CLIC5: variants seen among roughly 807,000 people sequenced by gnomAD.
The protein encoded by CLIC5 is chloride intracellular channel protein 5.
In CLIC5, 20 loss-of-function variants were observed where a neutral mutation model predicts 24.7. The observed-to-expected ratio is 0.81, with a 90% CI of 0.57 to 1.18. CLIC5 has a LOEUF of 1.18. Ranked by LOEUF, CLIC5 falls within the 50% of genes most tolerant of loss-of-function variation. The pLI, the probability that CLIC5 is intolerant of heterozygous loss-of-function variation, is 0.00. For missense variants in CLIC5, 341 were observed against 326.1 expected (o/e 1.05, Z -0.35); for synonymous variants, 159 against 135.6 (o/e 1.17, Z -1.20).
intron 1 of CLIC5, among the ~76,000 whole-genome samples, chr6:46,077,388 A>T (rs1762800464): frequency 6.6e-6 from 1 of 152,018 alleles, no homozygotes; most frequent in Non-Finnish European, 1.5e-5. Context: ...GAACATCCAG[A>T]ACTGAAAAGC....
At chr6:46,030,804 G>A (rs1767477674) in intron 1 of CLIC5, among the ~76,000 whole-genome samples, 1 of 152,080 alleles carries the variant, frequency 6.6e-6, no homozygotes, top group Non-Finnish European at 1.5e-5. Context: ...TGCTCCCACA[G>A]CACCCTGTGC....
intron 2 of CLIC5, among the ~76,000 whole-genome samples, chr6:45,954,577 T>C (rs1345109751): frequency 1.3e-5 from 2 of 152,210 alleles, no homozygotes; most frequent in Non-Finnish European, 2.9e-5. Context: ...GGAAACAGAA[T>C]ACATTCTGTA....
intron 1 of CLIC5, among the ~76,000 whole-genome samples, chr6:46,055,406 T>C (rs891628118): frequency 6.6e-6 from 1 of 151,684 alleles, no homozygotes; most frequent in Non-Finnish European, 1.5e-5. Flanking sequence ...CCCGGCTAAT[T>C]TTTGTACTTT....
chr6:45,970,656 G>A (rs981794804), intron 1 of CLIC5, among the ~76,000 whole-genome samples: 1 of 152,264 alleles, frequency 6.6e-6, no homozygotes, highest in East Asian at 1.9e-4. Flanking sequence ...ATTTTTCCAA[G>A]CCCTACCATA....
intron 1 of CLIC5, among the ~76,000 whole-genome samples, chr6:45,974,285 C>T (rs573269293): frequency 2.0e-5 from 3 of 151,704 alleles, no homozygotes; most frequent in Admixed American, 6.6e-5. Flanking sequence ...GCCTATCAGT[C>T]AGAGTGACAG....
chr6:46,121,475 A>T, the CLIC5 span, among the ~76,000 whole-genome samples: 1 of 152,240 alleles, frequency 6.6e-6, no homozygotes, highest in Non-Finnish European at 1.5e-5. Context: ...CACTACAAAA[A>T]CATGCCAAAT....
downstream of CLIC5, among the ~76,000 whole-genome samples, chr6:45,895,908 T>A (rs1234915865): frequency 6.6e-6 from 1 of 152,252 alleles, no homozygotes; most frequent in East Asian, 1.9e-4. Context: ...AAGGCCTATA[T>A]GGATTTGGAA....
At position 45,902,996 on chromosome 6, in the gene CLIC5, T is replaced by C; in HGVS notation, c.*92A>G. 4.2e-6 allele frequency: 6 copies of C among 1,412,730 alleles called. No individual in the cohort carries two copies. The Admixed American group carries it at 7.4e-5, about 17-fold the overall frequency. The allele number at this position is 1,412,730 out of a possible 1,614,324, so 87.5% of individuals were successfully genotyped here. A position where few individuals can be genotyped will look rare whatever the true frequency, so the allele number is the denominator to read the frequency against. On this transcript the variant is annotated 3_prime_UTR_variant, in exon 6 of 6. Transcript: ENST00000339561. Reference sequence around the variant, plus strand: ...GAGGCTTGATTATAAAAAGTGCGCCTCAAGGCAGTGATACAGAGGAGTCTA... The same window carrying C: ...GAGGCTTGATTATAAAAAGTGCGCCCCAAGGCAGTGATACAGAGGAGTCTA...
At chr6:45,883,392 T>A (rs1762279511) in intron 6 of CLIC5, among the ~76,000 whole-genome samples, 1 of 152,216 alleles carries the variant, frequency 6.6e-6, no homozygotes, top group South Asian at 2.1e-4. Context: ...CTCTAAAGTC[T>A]TTTCCAACTC....
chr6:46,031,933 T>TAC (rs1767513919), intron 1 of CLIC5, among the ~76,000 whole-genome samples: 1 of 136,830 alleles, frequency 7.3e-6, no homozygotes, highest in Non-Finnish European at 1.6e-5. Context: ...AACATATATA[T>TAC]ATATATACAC....
chr6:46,067,769 C>A (rs1010073213), intron 1 of CLIC5, among the ~76,000 whole-genome samples: 1 of 152,260 alleles, frequency 6.6e-6, no homozygotes, highest in East Asian at 1.9e-4. Context: ...AAGATACAAA[C>A]AGTCCACTAA....
At chr6:45,995,680 A>C (rs561330483) in intron 1 of CLIC5, among the ~76,000 whole-genome samples, 12 of 152,346 alleles carry the variant, frequency 7.9e-5, no homozygotes, top group African/African-American at 2.9e-4. Context: ...CATAGGATCT[A>C]TAAGATTCAA....
At chr6:45,981,203 A>T (rs1765558719) in intron 1 of CLIC5, among the ~76,000 whole-genome samples, 1 of 152,090 alleles carries the variant, frequency 6.6e-6, no homozygotes, top group Non-Finnish European at 1.5e-5. Context: ...ACCTGAGCTC[A>T]AGCAATCCAC....
At chr6:45,971,896 T>A (rs568033985) in intron 1 of CLIC5, among the ~76,000 whole-genome samples, 111 of 152,332 alleles carry the variant, frequency 7.3e-4, no homozygotes, top group African/African-American at 2.5e-3. Context: ...TTCCCCTATG[T>A]CCTCCTAGTT....
intron 1 of CLIC5, among the ~76,000 whole-genome samples, chr6:46,022,126 C>A (rs1330229188): frequency 6.6e-6 from 1 of 152,090 alleles, no homozygotes; most frequent in African/African-American, 2.4e-5. Flanking sequence ...CAAAATAAAA[C>A]AAACTTTCAT....
chr6:46,037,411 A>G (rs1767692573), intron 1 of CLIC5, among the ~76,000 whole-genome samples: 1 of 152,348 alleles, frequency 6.6e-6, no homozygotes, highest in Non-Finnish European at 1.5e-5. Flanking sequence ...CAAAGGAATG[A>G]ATAAATAAAT....
intron 1 of CLIC5, among the ~76,000 whole-genome samples, chr6:46,050,747 G>T (rs913872310): frequency 4.6e-5 from 7 of 152,082 alleles, no homozygotes; most frequent in Non-Finnish European, 8.8e-5. Flanking sequence ...TACTTTTCAG[G>T]TATAATGGAC....
At chr6:45,985,274 C>A (rs569250464) in intron 1 of CLIC5, among the ~76,000 whole-genome samples, 1 of 152,292 alleles carries the variant, frequency 6.6e-6, no homozygotes, top group East Asian at 1.9e-4. Context: ...AGAGAGATAA[C>A]AGGGAGCAGA....
chr6:46,071,361 T>C (rs1762590394), intron 1 of CLIC5, among the ~76,000 whole-genome samples: 1 of 151,756 alleles, frequency 6.6e-6, no homozygotes, highest in Non-Finnish European at 1.5e-5. Context: ...AAAAGGAACT[T>C]AAATTTTTTT....
Sources: allele counts gnomAD v4.1 joint callset (sites outside exome capture counted in the v4.1 genomes callset), GRCh38; gene constraint gnomAD v4.1.1; transcripts MANE v1.5; gene names NCBI Gene and HGNC (gene_info 2026-07-23, HGNC 2026-07-21).